Variants in METTL17 observed in about 807,000 individuals in gnomAD.
METTL17 encodes the protein ribosome assembly protein METTL17, mitochondrial.
In METTL17, 49 loss-of-function variants were observed where a neutral mutation model predicts 59.4. That is an observed-to-expected ratio of 0.82 (90% confidence interval 0.66 to 1.05). METTL17 has a LOEUF of 1.05. Among genes scored for constraint, METTL17 ranks in the 50% least tolerant of loss-of-function variants. The pLI is 0.00. For missense variants in METTL17, 555 were observed against 578.4 expected, an observed-to-expected ratio of 0.96 and a Z score of 0.41; for synonymous variants, 208 against 209.2, an observed-to-expected ratio of 0.99 and a Z score of 0.05.
intron 3 of METTL17, 34 bp downstream of exon 3, chr14:20,990,632 A>G (rs1879980231): frequency 6.2e-7 from 1 of 1,611,670 alleles, no homozygotes; most frequent in South Asian, 1.1e-5. Flanking sequence ...AGTGGGCGAG[A>G]TTGAAATATC....
chr14:20,996,474 A>G (rs554214766), intron 12 of METTL17, 53 bp from the exon 13 acceptor site: 16 of 1,568,350 alleles, frequency 1.0e-5, no homozygotes, highest in Admixed American at 9.1e-5. Context: ...GACTGTACAA[A>G]CTTTTTTCCC....
intron 10 of METTL17, 149 bp downstream of exon 10, chr14:20,995,382 C>A: frequency 1.4e-6 from 1 of 691,118 alleles, no homozygotes; most frequent in Non-Finnish European, 2.5e-6. Context: ...CAGTGGTTGG[C>A]AAATGAGAGC....
chr14:20,996,682 T>C lies in METTL17; in HGVS notation c.1236T>C (p.His412=). The part of the protein sequence containing the change: ...HLCCPDGHMQ[H]AVLTARRHGR... Reference sequence around the variant, plus strand: ...GCTGTCCAGATGGGCACATGCAGCATGCTGTGCTCACAGCCCGCCGGCACG... The same window carrying C: ...GCTGTCCAGATGGGCACATGCAGCACGCTGTGCTCACAGCCCGCCGGCACG... Residue 412 remains histidine, a synonymous_variant, in exon 13 of 14, where the codon CAT becomes CAC. Transcript: ENST00000339374. 6.2e-7 allele frequency: 1 copy of C among 1,614,270 alleles called. No homozygotes were observed. The highest frequency in any genetic ancestry group is 1.1e-5 in the South Asian group (1 of 91,088).
chr14:20,993,515 G>T, intron 6 of METTL17: 2 of 293,092 alleles, frequency 6.8e-6, no homozygotes, highest in South Asian at 5.0e-5. Flanking sequence ...TCACTCTGTC[G>T]CCCAGGCTGG....
chr14:20,992,269 A>G (rs1880071306), intron 4 of METTL17, 64 bp downstream of exon 4: 2 of 1,006,620 alleles, frequency 2.0e-6, no homozygotes, highest in Non-Finnish European at 1.5e-6. Flanking sequence ...GAGTTGGGGG[A>G]GTACAATTAC....
intron 7 of METTL17, 74 bp from the exon 8 acceptor site, chr14:20,994,469 T>C: frequency 7.8e-7 from 1 of 1,283,958 alleles, no homozygotes; most frequent in Non-Finnish European, 1.1e-6. Flanking sequence ...GGGGCCATGT[T>C]TCTTATCTGG....
In METTL17 at chr14:20,996,703, G is replaced by C. The variant is rs907779169; in HGVS notation, c.1257G>C (p.Arg419=). Residue 419 remains arginine (R), a synonymous_variant, in exon 13 of 14, where the codon CGG becomes CGC. Transcript: ENST00000339374. The part of the protein sequence containing the change: ...HMQHAVLTAR[R]HGRDLYRCAR... ...AGCATGCTGTGCTCACAGCCCGCCG[G>C]CACGGCAGGTATGGGGGGTGTGACC... 3.1e-6 allele frequency: 5 copies of C among 1,614,130 alleles called. No individual in the cohort carries two copies. Among genetic ancestry groups the C allele is most frequent in the Admixed American group, 1.7e-5 (1 of 60,014 alleles).
chr14:20,994,210 T>C (rs1304922357), intron 7 of METTL17, 147 bp downstream of exon 7: 1 of 643,152 alleles, frequency 1.6e-6, no homozygotes, highest in East Asian at 2.8e-5. Flanking sequence ...AAGGGTGGTA[T>C]TAGAGGTTTC....
Position 20,996,572 on chromosome 14 carries a change from C to CG in METTL17, c.1131dup (p.Ser378ValfsTer17). 6.2e-7 allele frequency: 1 copy of CG among 1,614,148 alleles called. No individual in the cohort carries two copies. Among genetic ancestry groups the CG allele is most frequent in the Non-Finnish European group, 8.5e-7 (1 of 1,180,004 alleles). On this transcript the variant is annotated frameshift_variant, in exon 13 of 14. Coordinates refer to ENST00000339374, the MANE Select transcript of METTL17 (RefSeq NM_022734.3). LOFTEE classifies it high-confidence loss of function. Reference sequence around the variant, plus strand: ...AAAGTTCTCTATGGTGATCCTTGCTCGGGGGTCTCCAGAGGAGGCTCATCG... The same window carrying CG: ...AAAGTTCTCTATGGTGATCCTTGCTCGGGGGGTCTCCAGAGGAGGCTCATCG...
intron 9 of METTL17, 99 bp from the exon 10 acceptor site, chr14:20,995,066 A>G: frequency 8.0e-7 from 1 of 1,242,650 alleles, no homozygotes; most frequent in South Asian, 1.2e-5. Flanking sequence ...ATTTCTTTTT[A>G]GGACTCCTTC....
Position 20,996,200 on chromosome 14 carries a change from T to C in METTL17, c.997-9T>C. The C allele has an allele frequency of 6.2e-7, 1 of 1,611,686 alleles. No individual in the cohort carries two copies. The highest frequency in any genetic ancestry group is 8.5e-7 in the Non-Finnish European group (1 of 1,178,304). ...TTTTGTCTTACCTCATTTTTTTATG[T>C]GTTCACAGTGTCCCCATGAACTCCC... On this transcript the variant is annotated splice_polypyrimidine_tract_variant and intron_variant, in intron 11 of 13. Coordinates refer to ENST00000339374, the MANE Select transcript of METTL17 (RefSeq NM_022734.3).
At position 20,990,367 on chromosome 14, in the gene METTL17, CCA is replaced by C; in HGVS notation, c.214_215del (p.Gln72ValfsTer39). On this transcript the variant is annotated frameshift_variant, in exon 2 of 14. Transcript: ENST00000339374. LOFTEE classifies it high-confidence loss of function. ...TGCCACAGGCACTGGCTAACGGTGC[CCA>C]GTTATTGCTACTTGGTGAGTAACGG... is the stretch of plus-strand genomic sequence containing the variant. Reference protein sequence around the residue: ...RLPQALANGAQLLLLGSAGPT... With the variant: ...RLPQALANGAXLLLLGSAGPT... 1 of 1,614,122 alleles carries C rather than the reference CCA, an allele frequency of 6.2e-7. No homozygotes were observed. The highest frequency in any genetic ancestry group is 2.2e-5 in the East Asian group (1 of 44,884).
intron 11 of METTL17, 80 bp downstream of exon 11, chr14:20,996,031 C>T: frequency 6.8e-7 from 1 of 1,468,520 alleles, no homozygotes; most frequent in Non-Finnish European, 9.5e-7. Context: ...TAAAGCTAAG[C>T]CACTCTCCAC....
At position 20,995,220 on chromosome 14, in the gene METTL17, A is replaced by T. The variant is rs1406447493; in HGVS notation, c.932A>T (p.Asp311Val). 6.2e-7 allele frequency: 1 copy of T among 1,614,096 alleles called. No individual in the cohort carries two copies. The highest frequency in any genetic ancestry group is 8.5e-7 in the Non-Finnish European group (1 of 1,179,970). The stretch of plus-strand genomic sequence containing the variant: ...CACAGCCTTCTCATGGATGCCAGGG[A>T]TCTGGTCCTTAAGGTAAGGCTTCTT... ...AGHSLLMDAR[D>V]LVLKGKEKSP... The change falls in exon 10 of 14, where the codon GAT (aspartate) becomes GTT (valine). Residue 311 changes from aspartate (D) to valine (V), a missense_variant. Physicochemically the swap from Asp to Val is radical, Grantham distance 152. Coordinates refer to ENST00000339374, the MANE Select transcript of METTL17 (RefSeq NM_022734.3).
chr14:20,990,258 C>T lies in METTL17; in HGVS notation c.104C>T (p.Thr35Ile). The stretch of plus-strand genomic sequence containing the variant: ...CTCGCCGCCTTAGTACCCGGAGTGA[C>T]CCAGGTAGATAACAAGTCCGGTTTC... ...RALAALVPGVTQVDNKSGFLQ... is the reference protein window; with the variant it reads ...RALAALVPGVIQVDNKSGFLQ... The change falls in exon 2 of 14, where the codon ACC becomes ATC. Residue 35 changes from threonine to isoleucine, a missense_variant. By Grantham distance (89) the Thr-to-Ile change is moderately conservative. Transcript: ENST00000339374. 1.9e-6 allele frequency: 3 copies of T among 1,614,228 alleles called. No individual in the cohort carries two copies. Among genetic ancestry groups the T allele is most frequent in the Non-Finnish European group, 2.5e-6 (3 of 1,180,044 alleles).
chr14:20,995,738 T>G, intron 10 of METTL17, 163 bp from the exon 11 acceptor site: 2 of 607,418 alleles, frequency 3.3e-6, no homozygotes, highest in Non-Finnish European at 5.9e-6. Context: ...AGAAAGTTCT[T>G]TGTTTGGAGT....
At chr14:20,996,413 T>C in intron 12 of METTL17, 114 bp from the exon 13 acceptor site, 2 of 1,478,584 alleles carry the variant, frequency 1.4e-6, no homozygotes, top group Non-Finnish European at 1.9e-6. Context: ...AGGGCCTACA[T>C]GTATATGATT....
chr14:20,992,408 AC>A (rs1318388676), intron 4 of METTL17, 132 bp from the exon 5 acceptor site: 2 of 787,560 alleles, frequency 2.5e-6, no homozygotes, highest in Non-Finnish European at 4.2e-6. Context: ...TCTCCCCAGG[AC>A]CCTTTTGTAT....
At position 20,992,159 on chromosome 14, in the gene METTL17, G is replaced by A. The variant is rs1880062747; in HGVS notation, c.400G>A (p.Val134Met). 6.2e-7 allele frequency: 1 copy of A among 1,612,662 alleles called. No individual in the cohort carries two copies. The highest frequency in any genetic ancestry group is 8.5e-7 in the Non-Finnish European group (1 of 1,179,578). ...GACAGAGGAGAAACTTCGTGGAGCAGTGCTACACGCACTACGTAAAACTAC... is the reference window on the plus strand; with the variant it reads ...GACAGAGGAGAAACTTCGTGGAGCAATGCTACACGCACTACGTAAAACTAC... Reference protein sequence around the residue: ...SQTEEKLRGAVLHALRKTTYH... With the variant: ...SQTEEKLRGAMLHALRKTTYH... Residue 134 changes from valine (V) to methionine (M), a missense_variant, in exon 4 of 14, where the codon GTG becomes ATG. Transcript: ENST00000339374.
Sources: gnomAD v4.1 joint callset for allele counts on GRCh38, gnomAD v4.1.1 for gene constraint, MANE v1.5 for transcripts, NCBI Gene and HGNC (gene_info 2026-07-23, HGNC 2026-07-21) for gene names.